The following LSAMP variants were observed in gnomAD, a reference collection of about 807,000 sequenced individuals.
LSAMP encodes the protein limbic system-associated membrane protein.
A neutral mutation model predicts 38.6 loss-of-function variants in LSAMP; 7 were observed. The ratio of observed to expected loss-of-function variants is 0.18; its 90% CI spans 0.10 to 0.34. The LOEUF is 0.34. LSAMP is among the 10% of genes least tolerant of loss of function. LSAMP has a pLI of 1.00. For synonymous variants in LSAMP, 154 were observed against 166.8 expected, an observed-to-expected ratio of 0.92 and a Z score of 0.59; for missense variants, 313 against 420.0, an observed-to-expected ratio of 0.75 and a Z score of 2.23.
At chr3:116,268,892 G>A (rs889329498) in intron 1 of LSAMP, among the ~76,000 whole-genome samples, 2 of 151,902 alleles carry the variant, frequency 1.3e-5, no homozygotes, top group African/African-American at 4.8e-5. Context: ...TTGAACAGTC[G>A]GTGAAATAGC....
chr3:115,991,168 CA>C (rs1939655963), intron 3 of LSAMP, among the ~76,000 whole-genome samples: 1 of 151,964 alleles, frequency 6.6e-6, no homozygotes. Flanking sequence ...ATAAAAAATA[CA>C]GAGCTTTTTC....
At chr3:116,315,476 T>A (rs916656425) in intron 1 of LSAMP, among the ~76,000 whole-genome samples, 1 of 152,178 alleles carries the variant, frequency 6.6e-6, no homozygotes, top group Non-Finnish European at 1.5e-5. Flanking sequence ...GCTGTTAAAC[T>A]CTTCAATCAG....
intron 1 of LSAMP, among the ~76,000 whole-genome samples, chr3:116,087,356 C>A (rs1014650877): frequency 6.6e-6 from 1 of 152,150 alleles, no homozygotes; most frequent in Non-Finnish European, 1.5e-5. Context: ...AAAAGGGTCT[C>A]TTTCTGAAAT....
At chr3:116,139,810 C>G (rs530043599) in intron 1 of LSAMP, among the ~76,000 whole-genome samples, 30 of 152,048 alleles carry the variant, frequency 2.0e-4, no homozygotes, top group African/African-American at 7.2e-4. Flanking sequence ...CTTTTGCTAG[C>G]CAGGCACTCT....
At chr3:116,433,527 C>G (rs536861151) in intron 1 of LSAMP, among the ~76,000 whole-genome samples, 2 of 152,094 alleles carry the variant, frequency 1.3e-5, no homozygotes, top group Admixed American at 1.3e-4. Context: ...AACATTCCAG[C>G]GTTAATTTTT....
intron 1 of LSAMP, among the ~76,000 whole-genome samples, chr3:116,196,696 G>T (rs1443756644): frequency 2.0e-5 from 3 of 152,096 alleles, no homozygotes; most frequent in African/African-American, 4.8e-5. Flanking sequence ...GCCTTATCAC[G>T]TGTAGTCAAA....
intron 1 of LSAMP, among the ~76,000 whole-genome samples, chr3:116,285,496 T>C (rs1181413713): frequency 6.6e-6 from 1 of 152,118 alleles, no homozygotes; most frequent in Non-Finnish European, 1.5e-5. Context: ...TTCCCTCTTC[T>C]TTCAGGACTC....
chr3:116,146,275 A>G (rs902675397), intron 1 of LSAMP, among the ~76,000 whole-genome samples: 1 of 151,904 alleles, frequency 6.6e-6, no homozygotes, highest in Non-Finnish European at 1.5e-5. Context: ...CTTGTCATGT[A>G]TGGCATCAGC....
At chr3:115,965,971 T>C (rs557611613) in intron 3 of LSAMP, among the ~76,000 whole-genome samples, 2 of 152,314 alleles carry the variant, frequency 1.3e-5, no homozygotes, top group South Asian at 4.1e-4. Flanking sequence ...TCTGCTAATA[T>C]TGGTCTTTCT....
chr3:116,019,521 G>A lies in LSAMP; in HGVS notation c.508C>T (p.Pro170Ser), dbSNP rs754760664. The change falls in exon 3 of 7, where the codon CCA (proline) becomes TCA (serine). Residue 170 changes from proline (P) to serine (S), a missense_variant. Pro to Ser is a moderately conservative substitution (Grantham distance 74). Transcript: ENST00000490035. ...AACCTGGAGTATTGCTTACCAGTTG[G>A]TGTAAGGTGTCTCCAGGTGATAACA... ...EPVITWRHLT[P>S]TGREFEGEEE... 1 of 1,611,992 alleles carries A rather than the reference G, an allele frequency of 6.2e-7. No homozygotes were observed. The highest frequency in any genetic ancestry group is 1.7e-5 in the Admixed American group (1 of 59,976).
intron 3 of LSAMP, among the ~76,000 whole-genome samples, chr3:115,885,868 C>G (rs1473170641): frequency 2.0e-5 from 3 of 151,860 alleles, no homozygotes; most frequent in Non-Finnish European, 4.4e-5. Flanking sequence ...CCAATGATCC[C>G]CAAAACTACA....
chr3:116,369,064 A>G (rs561027911), intron 1 of LSAMP, among the ~76,000 whole-genome samples: 2 of 152,350 alleles, frequency 1.3e-5, no homozygotes, highest in South Asian at 2.1e-4. Context: ...ATGTGTAGAA[A>G]TTATAGAAGA....
At chr3:116,106,640 T>C (rs1336379648) in intron 1 of LSAMP, among the ~76,000 whole-genome samples, 1 of 152,174 alleles carries the variant, frequency 6.6e-6, no homozygotes, top group East Asian at 1.9e-4. Context: ...TAATAAAGGC[T>C]GGTCTGTTAT....
chr3:116,182,526 C>T (rs1461136), intron 1 of LSAMP, among the ~76,000 whole-genome samples: 75,479 of 151,092 alleles, frequency 0.5, 21,299 homozygotes, highest in East Asian at 0.74. Context: ...TATGGAGATG[C>T]CCAAAGATGG....
At chr3:115,909,112 T>A (rs1937078961) in intron 3 of LSAMP, among the ~76,000 whole-genome samples, 1 of 152,196 alleles carries the variant, frequency 6.6e-6, no homozygotes, top group Non-Finnish European at 1.5e-5. Context: ...CGGTTCAATA[T>A]CTGTCTAGGG....
In LSAMP at chr3:116,384,669, G is replaced by C. The variant is rs567909864; in HGVS notation, c.155+60208C>G. Among the ~76,000 whole-genome samples the C allele has an allele frequency of 2.6e-5, 4 of 152,160 alleles. No individual in the cohort carries two copies. The East Asian group carries it at 7.7e-4, about 29-fold the overall frequency. On this transcript the variant is annotated intron_variant, in intron 1 of 6. Coordinates refer to ENST00000490035, the MANE Select transcript of LSAMP (RefSeq NM_002338.5). Reference sequence around the variant, plus strand: ...TGCATTGTTCTCAGTACATGCAAACGTTCTAAAAATTAGAAGCAGAGAAAA... The same window carrying C: ...TGCATTGTTCTCAGTACATGCAAACCTTCTAAAAATTAGAAGCAGAGAAAA...
chr3:116,282,274 A>G (rs893984315), intron 1 of LSAMP, among the ~76,000 whole-genome samples: 6 of 152,192 alleles, frequency 3.9e-5, no homozygotes. Flanking sequence ...GTTTTGTAAG[A>G]GCAAGAATAC....
At chr3:116,057,409 T>C (rs1941509277) in intron 2 of LSAMP, among the ~76,000 whole-genome samples, 1 of 152,206 alleles carries the variant, frequency 6.6e-6, no homozygotes, top group Non-Finnish European at 1.5e-5. Context: ...TCACTTGGTG[T>C]GGCTTTTTGT....
intron 1 of LSAMP, among the ~76,000 whole-genome samples, chr3:116,243,578 T>G (rs1039593650): frequency 2.0e-5 from 3 of 152,354 alleles, no homozygotes; most frequent in Admixed American, 6.5e-5. Flanking sequence ...TCAATGCATG[T>G]TTTAGCTTTG....
Sources: allele counts gnomAD v4.1 joint callset (sites outside exome capture counted in the v4.1 genomes callset), GRCh38; gene constraint gnomAD v4.1.1; transcripts MANE v1.5; gene names NCBI Gene and HGNC (gene_info 2026-07-23, HGNC 2026-07-21).